The following TBC1D12 variants were observed in gnomAD, a reference collection of about 807,000 sequenced individuals.
The protein encoded by TBC1D12 is TBC1 domain family, member 12.
TBC1D12 carries 56 observed loss-of-function variants against 86.7 expected under a neutral mutation model. The observed-to-expected ratio is 0.65, with a 90% CI of 0.52 to 0.81. The LOEUF (loss-of-function observed/expected upper bound fraction) is 0.81, where lower values mean the gene tolerates loss of function less well. Ranked by LOEUF, TBC1D12 falls within the 30% of genes least tolerant of loss-of-function variation. TBC1D12 has a pLI of 0.00. For missense variants in TBC1D12, 1,023 were observed against 1,038.8 expected (o/e 0.98, Z 0.21); for synonymous variants, 421 against 411.7 (o/e 1.02, Z -0.27).
At chr10:94,462,267 G>T (rs969614055) in intron 2 of TBC1D12, among the ~76,000 whole-genome samples, 2 of 152,128 alleles carry the variant, frequency 1.3e-5, no homozygotes, top group African/African-American at 4.8e-5. Flanking sequence ...TTAAGCCAAG[G>T]TTTCTCAACC....
chr10:94,526,587 A>G (rs185609073), intron 11 of TBC1D12, among the ~76,000 whole-genome samples: 1 of 152,302 alleles, frequency 6.6e-6, no homozygotes, highest in Admixed American at 6.5e-5. Flanking sequence ...GTGGCTTAGT[A>G]GCATTCCATT....
At chr10:94,521,501 G>A (rs764679409) in intron 9 of TBC1D12, among the ~76,000 whole-genome samples, 5 of 151,878 alleles carry the variant, frequency 3.3e-5, no homozygotes, top group Admixed American at 1.3e-4. Flanking sequence ...CCCCCACAAC[G>A]TCTCCTTTCT....
intron 3 of TBC1D12, among the ~76,000 whole-genome samples, chr10:94,484,545 T>TCA (rs1473802115): frequency 4.6e-5 from 7 of 152,176 alleles, no homozygotes; most frequent in African/African-American, 1.7e-4. Context: ...TGGCCAGTTT[T>TCA]GTTCTTTTTG....
chr10:94,521,284 A>G (rs1842148560), intron 9 of TBC1D12, among the ~76,000 whole-genome samples: 2 of 151,490 alleles, frequency 1.3e-5, no homozygotes, highest in Non-Finnish European at 2.9e-5. Flanking sequence ...CCAATAACTT[A>G]CAAGCAAGAA....
At chr10:94,453,221 G>A (rs1195628788) in intron 2 of TBC1D12, among the ~76,000 whole-genome samples, 1 of 152,058 alleles carries the variant, frequency 6.6e-6, no homozygotes, top group Non-Finnish European at 1.5e-5. Context: ...TCTATGGCTT[G>A]TCTTTTCACA....
chr10:94,458,604 T>TA (rs1324906346), intron 2 of TBC1D12, among the ~76,000 whole-genome samples: 1 of 152,166 alleles, frequency 6.6e-6, no homozygotes, highest in Non-Finnish European at 1.5e-5. Flanking sequence ...TGGTGAGTGT[T>TA]ACAGTTCTTA....
At chr10:94,500,170 T>C in intron 5 of TBC1D12, 51 bp from the exon 6 acceptor site, 1 of 1,528,388 alleles carries the variant, frequency 6.5e-7, no homozygotes, top group Non-Finnish European at 9.0e-7. Context: ...GCAACTAGTA[T>C]TTTTGGTATA....
At chr10:94,444,593 C>G (rs2055426829) in intron 2 of TBC1D12, among the ~76,000 whole-genome samples, 1 of 152,060 alleles carries the variant, frequency 6.6e-6, no homozygotes, top group African/African-American at 2.4e-5. Context: ...ATTTTTATAT[C>G]TTTATATAAA....
At chr10:94,512,639 A>G (rs114385120) in intron 9 of TBC1D12, among the ~76,000 whole-genome samples, 53 of 152,366 alleles carry the variant, frequency 3.5e-4, no homozygotes, top group African/African-American at 1.3e-3. Flanking sequence ...CAAACAAATA[A>G]GTAAATCATG....
intron 3 of TBC1D12, among the ~76,000 whole-genome samples, chr10:94,477,420 A>G (rs1337949105): frequency 6.6e-6 from 1 of 152,254 alleles, no homozygotes; most frequent in Non-Finnish European, 1.5e-5. Flanking sequence ...TGAAAAATAG[A>G]TAATGGAGAA....
intron 1 of TBC1D12, among the ~76,000 whole-genome samples, chr10:94,411,478 G>A (rs995651528): frequency 1.3e-5 from 2 of 151,832 alleles, no homozygotes; most frequent in Non-Finnish European, 2.9e-5. Context: ...ATCCCAGCAC[G>A]TTGGGAAGCT....
chr10:94,506,457 T>C (rs1048923115), intron 6 of TBC1D12, among the ~76,000 whole-genome samples: 1 of 152,248 alleles, frequency 6.6e-6, no homozygotes, highest in Non-Finnish European at 1.5e-5. Flanking sequence ...CTTTGGTGTT[T>C]GGGCAAGACG....
chr10:94,438,329 T>A (rs1212238903), intron 1 of TBC1D12, among the ~76,000 whole-genome samples: 1 of 152,144 alleles, frequency 6.6e-6, no homozygotes, highest in Admixed American at 6.5e-5. Flanking sequence ...TGTTCTGTTG[T>A]CTCTGTGGCT....
chr10:94,431,058 G>A (rs2055208732), intron 1 of TBC1D12, among the ~76,000 whole-genome samples: 1 of 152,148 alleles, frequency 6.6e-6, no homozygotes, highest in Non-Finnish European at 1.5e-5. Context: ...AAGGGGGAAA[G>A]ATGGATTAAC....
intron 1 of TBC1D12, among the ~76,000 whole-genome samples, chr10:94,429,245 A>G (rs111330530): frequency 1.3e-3 from 201 of 152,138 alleles, no homozygotes; most frequent in African/African-American, 4.5e-3. Flanking sequence ...GATCTCAGAA[A>G]ATATCTGGTT....
At chr10:94,500,424 T>C (rs2056380164) in intron 6 of TBC1D12, 97 bp downstream of exon 6, 1 of 915,050 alleles carries the variant, frequency 1.1e-6, no homozygotes, top group Non-Finnish European at 1.6e-6. Flanking sequence ...TAAATGGCCT[T>C]TATCATATAT....
At chr10:94,447,647 G>C (rs1016804808) in intron 2 of TBC1D12, 1 of 984,656 alleles carries the variant, frequency 1.0e-6, no homozygotes, top group African/African-American at 1.8e-5. Flanking sequence ...GTGAAATTCC[G>C]CTTGTGGCCT....
chr10:94,500,142 C>A (rs563298543), intron 5 of TBC1D12, 79 bp from the exon 6 acceptor site: 2 of 1,287,172 alleles, frequency 1.6e-6, no homozygotes, highest in East Asian at 2.4e-5. Flanking sequence ...TGGCCATAGA[C>A]TAAAGATAAT....
At chr10:94,459,848 G>T (rs1454857346) in intron 2 of TBC1D12, among the ~76,000 whole-genome samples, 1 of 152,270 alleles carries the variant, frequency 6.6e-6, no homozygotes, top group East Asian at 1.9e-4. Flanking sequence ...CGTGAGTGCC[G>T]CACGCAGCCA....
Sources: gnomAD v4.1 joint callset for allele counts (sites outside exome capture counted in the v4.1 genomes callset) on GRCh38, gnomAD v4.1.1 for gene constraint, MANE v1.5 for transcripts, NCBI Gene and HGNC (gene_info 2026-07-23, HGNC 2026-07-21) for gene names.